DLG2: variants seen among roughly 807,000 people sequenced by gnomAD.
DLG2 encodes discs large MAGUK scaffold protein 2.
Under a neutral mutation model 132.5 loss-of-function variants are expected in DLG2, and 45 were observed. The observed-to-expected ratio is 0.34, with a 90% CI of 0.27 to 0.44. DLG2 has a LOEUF of 0.44. Ranked by LOEUF, DLG2 falls within the 20% of genes least tolerant of loss-of-function variation. DLG2 has a pLI of 1.00. For missense variants in DLG2, 1,045 were observed against 1,196.9 expected, an observed-to-expected ratio of 0.87 and a Z score of 1.87; for synonymous variants, 424 against 419.6, an observed-to-expected ratio of 1.01 and a Z score of -0.13.
intron 7 of DLG2, among the ~76,000 whole-genome samples, chr11:84,286,063 C>T (rs535407610): frequency 1.3e-5 from 2 of 152,086 alleles, no homozygotes; most frequent in Non-Finnish European, 2.9e-5. Context: ...ATCCATTAAC[C>T]TAGGTTTTAT....
At chr11:84,101,956 A>C (rs2154182831) in intron 9 of DLG2, among the ~76,000 whole-genome samples, 1 of 152,080 alleles carries the variant, frequency 6.6e-6, no homozygotes, top group East Asian at 1.9e-4. Flanking sequence ...TTCACACTTT[A>C]CCCCCCAGGA....
intron 3 of DLG2, among the ~76,000 whole-genome samples, chr11:85,320,614 G>A (rs934257022): frequency 1.3e-5 from 2 of 151,812 alleles, no homozygotes; most frequent in African/African-American, 4.8e-5. Flanking sequence ...AAATTCAAGA[G>A]GTGAAAGGGA....
chr11:84,386,561 C>T (rs1376844429), intron 7 of DLG2, among the ~76,000 whole-genome samples: 1 of 152,062 alleles, frequency 6.6e-6, no homozygotes, highest in Non-Finnish European at 1.5e-5. Flanking sequence ...TGTCATACAA[C>T]CATAACAATA....
At chr11:85,043,929 G>T (rs931119882) in intron 6 of DLG2, among the ~76,000 whole-genome samples, 1 of 151,810 alleles carries the variant, frequency 6.6e-6, no homozygotes, top group African/African-American at 2.4e-5. Context: ...GGTATGTAAG[G>T]TTGTAATCTC....
At chr11:84,280,679 T>C (rs1351031214) in intron 7 of DLG2, among the ~76,000 whole-genome samples, 2 of 142,048 alleles carry the variant, frequency 1.4e-5, no homozygotes, top group African/African-American at 5.2e-5. Context: ...GAACCATACA[T>C]CTATAAATAA....
chr11:83,787,313 T>TTTTTTTC, intron 17 of DLG2, among the ~76,000 whole-genome samples: 1 of 84,674 alleles, frequency 1.2e-5, no homozygotes, highest in Non-Finnish European at 2.2e-5. Flanking sequence ...TTAAGCCTTG[T>TTTTTTTC]TTTTTTTTTG....
intron 5 of DLG2, among the ~76,000 whole-genome samples, chr11:85,125,927 C>T (rs2075054165): frequency 6.6e-6 from 1 of 151,952 alleles, no homozygotes; most frequent in African/African-American, 2.4e-5. Flanking sequence ...AATCAGTATG[C>T]ACTATGAGTT....
intron 6 of DLG2, among the ~76,000 whole-genome samples, chr11:84,901,900 G>C (rs537940642): frequency 6.6e-6 from 1 of 151,734 alleles, no homozygotes; most frequent in Non-Finnish European, 1.5e-5. Context: ...ATTAAGGGGG[G>C]AAAAAAAGGA....
chr11:83,466,968 A>G, intron 25 of DLG2, 151 bp from the exon 26 acceptor site: 2 of 577,220 alleles, frequency 3.5e-6, no homozygotes, highest in Non-Finnish European at 6.2e-6. Flanking sequence ...GTAAATAAAA[A>G]TCGATATATA....
At chr11:84,309,588 A>G (rs933245647) in intron 7 of DLG2, among the ~76,000 whole-genome samples, 5 of 152,222 alleles carry the variant, frequency 3.3e-5, no homozygotes, top group African/African-American at 1.2e-4. Flanking sequence ...TATAATTACA[A>G]AACATCTAGA....
chr11:83,999,195 C>T (rs994188277), intron 11 of DLG2, among the ~76,000 whole-genome samples: 1 of 152,166 alleles, frequency 6.6e-6, no homozygotes, highest in Admixed American at 6.5e-5. Context: ...GACAAGCCTG[C>T]CTGGCCTGGC....
At chr11:85,059,583 G>GTGCAATAACAGTTTCCAAAAGACAAAC (rs530240039) in intron 6 of DLG2, among the ~76,000 whole-genome samples, 222 of 151,750 alleles carry the variant, frequency 1.5e-3, no homozygotes, top group Non-Finnish European at 2.5e-3. Context: ...AAGGGATAAA[G>GTGCAATAACAGTTTCCAAAAGACAAAC]TGCAATAACA....
rs76345634 is a variant in DLG2 at position 84,475,411 on chromosome 11, C to T, written c.519+59159G>A. 2.2e-3 allele frequency among the ~76,000 whole-genome samples: 335 copies of T among 152,190 alleles called. 2 individuals carry two copies. Among genetic ancestry groups the T allele is most frequent in the African/African-American group, 7.9e-3 (328 of 41,550 alleles). ...TTACCTACTGTGACACTGGCCATAT[C>T]TCTGGAAGGCTTTCTATTTTATTAT... On this transcript the variant is annotated intron_variant, in intron 7 of 27. Transcript: ENST00000376104.
At chr11:85,312,159 A>T (rs1202913496) in intron 3 of DLG2, among the ~76,000 whole-genome samples, 1 of 151,964 alleles carries the variant, frequency 6.6e-6, no homozygotes. Context: ...TCTATTAATT[A>T]TCTCACATGT....
intron 6 of DLG2, among the ~76,000 whole-genome samples, chr11:84,685,820 C>A (rs2099737634): frequency 6.6e-6 from 1 of 152,120 alleles, no homozygotes; most frequent in Non-Finnish European, 1.5e-5. Context: ...ATTCTCCTGC[C>A]TCAGCCTCCC....
intron 19 of DLG2, among the ~76,000 whole-genome samples, chr11:83,620,737 G>C (rs1381447452): frequency 6.7e-6 from 1 of 150,224 alleles, no homozygotes; most frequent in African/African-American, 2.4e-5. Flanking sequence ...GGGCGTAGTG[G>C]CGGGCGCCTG....
chr11:84,113,093 G>A (rs1379696744), intron 9 of DLG2, among the ~76,000 whole-genome samples: 3 of 152,284 alleles, frequency 2.0e-5, no homozygotes, highest in Non-Finnish European at 2.9e-5. Context: ...TACAAATCAA[G>A]GTAGTGGTGC....
intron 7 of DLG2, among the ~76,000 whole-genome samples, chr11:84,533,522 A>G (rs1168322597): frequency 6.6e-6 from 1 of 152,194 alleles, no homozygotes; most frequent in Non-Finnish European, 1.5e-5. Flanking sequence ...TAGTAGCTAT[A>G]GCTAATTTAT....
chr11:85,189,774 G>C (rs958092444), intron 4 of DLG2, among the ~76,000 whole-genome samples: 9 of 152,196 alleles, frequency 5.9e-5, no homozygotes, highest in Non-Finnish European at 1.0e-4. Context: ...AACCCACATA[G>C]TTGAACACTA....
Sources: allele counts gnomAD v4.1 joint callset (sites outside exome capture counted in the v4.1 genomes callset), GRCh38; gene constraint gnomAD v4.1.1; transcripts MANE v1.5; gene names NCBI Gene and HGNC (gene_info 2026-07-23, HGNC 2026-07-21).